Variants in SMAD2 observed in about 807,000 individuals in gnomAD.
SMAD2 encodes MAD homolog 2.
A neutral mutation model predicts 64.4 loss-of-function variants in SMAD2; 8 were observed. The ratio of observed to expected loss-of-function variants is 0.12; its 90% confidence interval spans 0.07 to 0.22. SMAD2 has a LOEUF of 0.22. Ranked by LOEUF, SMAD2 falls within the 10% of genes least tolerant of loss-of-function variation. The probability of loss-of-function intolerance (pLI) is 1.00; values close to 1 mark genes in which losing one functional copy is unlikely to be tolerated. For missense variants in SMAD2, 289 were observed against 561.2 expected, an observed-to-expected ratio of 0.51 and a Z score of 4.90; for synonymous variants, 203 against 195.8, an observed-to-expected ratio of 1.04 and a Z score of -0.31.
intron 1 of SMAD2, among the ~76,000 whole-genome samples, chr18:47,906,495 C>T (rs533115713): frequency 2.6e-5 from 4 of 152,136 alleles, no homozygotes; most frequent in Admixed American, 6.5e-5. Context: ...ATCAGGAAAA[C>T]GCAAACTAAA....
chr18:47,860,174 C>T (rs1333690654), intron 6 of SMAD2, among the ~76,000 whole-genome samples: 1 of 151,996 alleles, frequency 6.6e-6, no homozygotes, highest in Non-Finnish European at 1.5e-5. Context: ...GAACACATTT[C>T]TAACAAAATC....
intron 2 of SMAD2, among the ~76,000 whole-genome samples, chr18:47,886,400 CAT>C (rs2032899940): frequency 1.3e-5 from 2 of 152,260 alleles, no homozygotes; most frequent in South Asian, 4.1e-4. Flanking sequence ...TATAAGGCAT[CAT>C]ATAAAAATTA....
intron 6 of SMAD2, 56 bp from the exon 7 acceptor site, chr18:47,851,383 AAT>A: frequency 8.5e-7 from 1 of 1,171,518 alleles, no homozygotes; most frequent in Non-Finnish European, 1.3e-6. Flanking sequence ...CTGATCAAGT[AAT>A]CATAAAACTA....
chr18:47,852,930 A>G (rs1272447099), intron 6 of SMAD2, among the ~76,000 whole-genome samples: 4 of 152,218 alleles, frequency 2.6e-5, no homozygotes, highest in African/African-American at 9.7e-5. Context: ...TATTAAAAAT[A>G]TAAAATATAT....
chr18:47,873,922 C>T (rs1256862371), intron 2 of SMAD2, among the ~76,000 whole-genome samples: 1 of 152,040 alleles, frequency 6.6e-6, no homozygotes, highest in Non-Finnish European at 1.5e-5. Context: ...ACATTTGGGG[C>T]TGCCAGAGAG....
In SMAD2 at chr18:47,820,970, T is replaced by C. The variant is rs1912554838; in HGVS notation, c.*20857A>G. Reference sequence around the variant, plus strand: ...TTTGGTCCCCAATGTTAGAACAAGGTTCTTTTTAAGGATCTGGTCTTAATA... The same window carrying C: ...TTTGGTCCCCAATGTTAGAACAAGGCTCTTTTTAAGGATCTGGTCTTAATA... On this transcript the variant is annotated 3_prime_UTR_variant, in exon 11 of 11. Coordinates refer to ENST00000262160, the MANE Select transcript of SMAD2 (RefSeq NM_005901.6). 6.6e-6 allele frequency: 1 copy of C among 151,080 alleles called. No individual in the cohort carries two copies. The highest frequency in any genetic ancestry group is 2.1e-4 in the South Asian group (1 of 4,818). The allele number at this position is 151,080 out of a possible 1,614,324, so 9.4% of individuals were successfully genotyped here.
chr18:47,891,900 A>T (rs958673414), intron 2 of SMAD2, among the ~76,000 whole-genome samples: 2 of 152,130 alleles, frequency 1.3e-5, no homozygotes, highest in African/African-American at 4.8e-5. Flanking sequence ...TTTTATATAT[A>T]AATACTAGAA....
At position 47,930,616 on chromosome 18, in the gene SMAD2, G is replaced by C. The variant is rs1280978011; in HGVS notation, c.-309C>G. On this transcript the variant is annotated 5_prime_UTR_variant, in exon 1 of 11. Transcript: ENST00000262160. Reference sequence around the variant, plus strand: ...AGGAGAGGGAAGGGGAGGGGAGGGAGCCTGGCCGCCGCCCGCGGGGAAGGA... The same window carrying C: ...AGGAGAGGGAAGGGGAGGGGAGGGACCCTGGCCGCCGCCCGCGGGGAAGGA... The C allele has an allele frequency of 2.7e-5, 4 of 148,932 alleles. No homozygotes were observed. The highest frequency in any genetic ancestry group is 5.0e-5 in the African/African-American group (2 of 40,040). The allele number at this position is 148,932 out of a possible 1,614,324, so 9.2% of individuals were successfully genotyped here.
chr18:47,894,214 C>T (rs1415449925), intron 2 of SMAD2, among the ~76,000 whole-genome samples: 1 of 152,184 alleles, frequency 6.6e-6, no homozygotes, highest in Non-Finnish European at 1.5e-5. Context: ...TGAAGTTGTG[C>T]AAAAACATGG....
At chr18:47,851,093 T>G (rs1182982738) in intron 7 of SMAD2, among the ~76,000 whole-genome samples, 181 bp downstream of exon 7, 1 of 150,976 alleles carries the variant, frequency 6.6e-6, no homozygotes. Context: ...GACTTAATAA[T>G]TTTGAGGGAT....
In SMAD2 at chr18:47,841,704, A is replaced by G. The variant is rs560946109; in HGVS notation, c.*123T>C. The G allele has an allele frequency of 3.8e-6, 4 of 1,042,886 alleles. No homozygotes were observed. In the East Asian group the frequency reaches 9.9e-5, roughly 26 times the overall value. The allele number at this position is 1,042,886 out of a possible 1,614,324, so 64.6% of individuals were successfully genotyped here. ...TCCACAAGGTGCTTTAATTGATGAGACCTCAAGTGCTGTTTTCTCTCTTGA... is the reference window on the plus strand; with the variant it reads ...TCCACAAGGTGCTTTAATTGATGAGGCCTCAAGTGCTGTTTTCTCTCTTGA... On this transcript the variant is annotated 3_prime_UTR_variant, in exon 11 of 11. Coordinates refer to ENST00000262160, the MANE Select transcript of SMAD2 (RefSeq NM_005901.6).
chr18:47,841,990 G>A, intron 10 of SMAD2, 40 bp from the exon 11 acceptor site: 2 of 1,612,274 alleles, frequency 1.2e-6, no homozygotes, highest in Non-Finnish European at 1.7e-6. Context: ...TGAAATTCAA[G>A]TCCACAGGCA....
chr18:47,927,796 G>A (rs1322145227), intron 1 of SMAD2, among the ~76,000 whole-genome samples: 1 of 152,212 alleles, frequency 6.6e-6, no homozygotes, highest in African/African-American at 2.4e-5. Flanking sequence ...CTACTCAGGA[G>A]GCTGAGGCAG....
intron 2 of SMAD2, among the ~76,000 whole-genome samples, chr18:47,891,827 G>A (rs1205982904): frequency 1.3e-5 from 2 of 151,926 alleles, no homozygotes; most frequent in East Asian, 3.9e-4. Context: ...AAATAGACAC[G>A]AATTAAATTG....
At chr18:47,867,843 T>C (rs1319672614) in intron 5 of SMAD2, among the ~76,000 whole-genome samples, 4 of 152,162 alleles carry the variant, frequency 2.6e-5, no homozygotes, top group African/African-American at 9.7e-5. Flanking sequence ...CGTGTTATAA[T>C]ATGTAAGTGT....
intron 7 of SMAD2, among the ~76,000 whole-genome samples, chr18:47,849,728 C>T (rs1037754004): frequency 1.3e-5 from 2 of 151,942 alleles, no homozygotes; most frequent in African/African-American, 2.4e-5. Context: ...AAAATTTGGG[C>T]CCAGCACGAT....
intron 2 of SMAD2, among the ~76,000 whole-genome samples, chr18:47,894,637 G>A (rs1168878368): frequency 2.0e-5 from 3 of 152,138 alleles, no homozygotes; most frequent in Admixed American, 2.0e-4. Flanking sequence ...TATTCCTCCA[G>A]AAGGAAACTT....
At chr18:47,851,955 T>A (rs534499321) in intron 6 of SMAD2, among the ~76,000 whole-genome samples, 2 of 152,330 alleles carry the variant, frequency 1.3e-5, no homozygotes, top group African/African-American at 4.8e-5. Context: ...TAGATTTGGG[T>A]AAAATTATCA....
Position 47,850,984 on chromosome 18 carries a change from A to T in SMAD2, c.784+290T>A, listed in dbSNP as rs149480391. The stretch of plus-strand genomic sequence containing the variant: ...ATTACATCATAAAATAAACATAACC[A>T]TAAAAATCTAGCCATAACAGGTTAT... On this transcript the variant is annotated intron_variant, in intron 7 of 10. Transcript: ENST00000262160. 0.015 allele frequency among the ~76,000 whole-genome samples: 2,201 copies of T among 145,558 alleles called. 26 individuals carry two copies. The highest frequency in any genetic ancestry group is 0.022 in the Non-Finnish European group (1,467 of 67,002).
Sources: allele counts gnomAD v4.1 joint callset (sites outside exome capture counted in the v4.1 genomes callset), GRCh38; gene constraint gnomAD v4.1.1; transcripts MANE v1.5; gene names NCBI Gene and HGNC (gene_info 2026-07-23, HGNC 2026-07-21).